The following PIP4K2C variants were observed in gnomAD, a reference collection of about 807,000 sequenced individuals.
PIP4K2C encodes phosphatidylinositol 5-phosphate 4-kinase type-2 gamma.
In PIP4K2C, 21 loss-of-function variants were observed where a neutral mutation model predicts 45.0. The observed-to-expected ratio is 0.47, with a 90% CI of 0.33 to 0.67. The LOEUF (loss-of-function observed/expected upper bound fraction) is 0.67, where lower values mean the gene tolerates loss of function less well. Ranked by LOEUF, PIP4K2C falls within the 30% of genes least tolerant of loss-of-function variation. PIP4K2C has a pLI of 0.02. For missense variants in PIP4K2C, 456 were observed against 542.8 expected (o/e 0.84, Z 1.59); for synonymous variants, 201 against 204.8 (o/e 0.98, Z 0.16).
intron 1 of PIP4K2C, among the ~76,000 whole-genome samples, chr12:57,593,005 A>T (rs1220570206): frequency 6.6e-6 from 1 of 151,312 alleles, no homozygotes; most frequent in East Asian, 1.9e-4. Flanking sequence ...GTTAGACTGC[A>T]GTTCATAGCC....
chr12:57,598,612 A>T (rs1883294313), intron 4 of PIP4K2C, among the ~76,000 whole-genome samples: 1 of 150,594 alleles, frequency 6.6e-6, no homozygotes. Context: ...TTTATATTAC[A>T]GTGACAGAAT....
At chr12:57,601,484 G>T (rs773188421) in intron 9 of PIP4K2C, 42 bp from the exon 10 acceptor site, 2 of 1,574,622 alleles carry the variant, frequency 1.3e-6, no homozygotes, top group African/African-American at 2.7e-5. Context: ...GGGGACGGGT[G>T]CTAGGGTGGC....
chr12:57,591,361 C>T lies in PIP4K2C; in HGVS notation c.72C>T (p.Phe24=). Residue 24 remains phenylalanine (F), a synonymous_variant, in exon 1 of 10, where the codon TTC becomes TTT. Transcript: ENST00000354947. Reference sequence around the variant, plus strand: ...CAGGCCCCGGCCCAGGTTTCGGCTTCGCCTCCAAGACCAAGAAGAAGCATT... The same window carrying T: ...CAGGCCCCGGCCCAGGTTTCGGCTTTGCCTCCAAGACCAAGAAGAAGCATT... ...ATAGPGPGFG[F]ASKTKKKHFV... 6.2e-7 allele frequency: 1 copy of T among 1,613,770 alleles called. No individual in the cohort carries two copies. The highest frequency in any genetic ancestry group is 1.1e-5 in the South Asian group (1 of 91,066).
chr12:57,593,694 T>G (rs112380360), intron 1 of PIP4K2C, among the ~76,000 whole-genome samples: 41 of 118,090 alleles, frequency 3.5e-4, no homozygotes, highest in Admixed American at 3.4e-4. Context: ...TTTTTTTTTT[T>G]TTTTTTTTTT....
intron 9 of PIP4K2C, 31 bp downstream of exon 9, chr12:57,601,379 G>T (rs148112878): frequency 6.3e-7 from 1 of 1,580,022 alleles, no homozygotes; most frequent in East Asian, 2.2e-5. Context: ...TTCCTTTCCT[G>T]TCTTGACTAT....
At chr12:57,598,945 G>C in intron 4 of PIP4K2C, 120 bp from the exon 5 acceptor site, 1 of 1,119,956 alleles carries the variant, frequency 8.9e-7, no homozygotes, top group Admixed American at 2.6e-5. Flanking sequence ...TTTTGACTTT[G>C]TAATCTCTCT....
chr12:57,598,977 C>G (rs1319801674), intron 4 of PIP4K2C, 88 bp from the exon 5 acceptor site: 3 of 1,421,246 alleles, frequency 2.1e-6, no homozygotes, highest in South Asian at 2.6e-5. Context: ...TCTGCTCTAC[C>G]CTGGAATGGC....
chr12:57,596,066 C>A, intron 4 of PIP4K2C, 35 bp downstream of exon 4: 1 of 1,596,828 alleles, frequency 6.3e-7, no homozygotes, highest in South Asian at 1.1e-5. Context: ...CTTTCCCTCT[C>A]CTCCCTACTC....
At chr12:57,591,819 G>A (rs2140180573) in intron 1 of PIP4K2C, among the ~76,000 whole-genome samples, 1 of 152,292 alleles carries the variant, frequency 6.6e-6, no homozygotes, top group East Asian at 1.9e-4. Context: ...TTTCTCGGGT[G>A]GTTGTTGGTG....
At chr12:57,593,133 T>C (rs1883033341) in intron 1 of PIP4K2C, among the ~76,000 whole-genome samples, 1 of 152,150 alleles carries the variant, frequency 6.6e-6, no homozygotes, top group Admixed American at 6.5e-5. Context: ...TGCAGACGAC[T>C]AGAATGAGCC....
chr12:57,601,203 A>G lies in PIP4K2C; in HGVS notation c.1082-42A>G, dbSNP rs1246790957. ...ACTGACTGCTTCCTGGAGAAAGGGA[A>G]TTGGAACTAAACCTACTCTGAATTG... On this transcript the variant is annotated intron_variant, in intron 8 of 9. Coordinates refer to ENST00000354947, the MANE Select transcript of PIP4K2C (RefSeq NM_024779.5). 3.8e-6 allele frequency: 6 copies of G among 1,594,688 alleles called. No homozygotes were observed. In the East Asian group the frequency reaches 1.3e-4, roughly 36 times the overall value.
intron 4 of PIP4K2C, among the ~76,000 whole-genome samples, chr12:57,598,643 A>G (rs1409639530): frequency 1.3e-5 from 2 of 151,944 alleles, no homozygotes; most frequent in Non-Finnish European, 2.9e-5. Context: ...AGCCCAACCC[A>G]ATGCAGACAT....
chr12:57,596,311 C>G (rs1883191748), intron 4 of PIP4K2C, among the ~76,000 whole-genome samples: 1 of 151,970 alleles, frequency 6.6e-6, no homozygotes, highest in African/African-American at 2.4e-5. Flanking sequence ...CATGGAGAAA[C>G]CCCGTCTCTA....
At chr12:57,593,988 T>C in intron 1 of PIP4K2C, 37 bp from the exon 2 acceptor site, 1 of 1,556,116 alleles carries the variant, frequency 6.4e-7, no homozygotes, top group Non-Finnish European at 8.8e-7. Context: ...TCCACACCCT[T>C]CTTCATGGCT....
intron 1 of PIP4K2C, 58 bp downstream of exon 1, chr12:57,591,521 C>A (rs1250386612): frequency 6.7e-5 from 100 of 1,488,874 alleles, no homozygotes; most frequent in Non-Finnish European, 8.8e-5. Context: ...TCCGAGGCGT[C>A]CCTGTTTCCA....
rs1883320372 is a variant in PIP4K2C at position 57,599,187 on chromosome 12, T to C, written c.636T>C (p.Pro212=). The change falls in exon 5 of 10, where the codon CCT becomes CCC. Residue 212 remains proline, a synonymous_variant. Transcript: ENST00000354947. The stretch of plus-strand genomic sequence containing the variant: ...GCAATATGTTTAGCCACCGTCTTCC[T>C]GTGCACAGGAAGTATGACCTCAAGG... The part of the protein sequence containing the change: ...VMRNMFSHRL[P]VHRKYDLKGS... 1.2e-6 allele frequency: 2 copies of C among 1,614,088 alleles called. No homozygotes were observed. The highest frequency in any genetic ancestry group is 2.7e-5 in the African/African-American group (2 of 74,932).
chr12:57,591,496 T>C (rs761999333), intron 1 of PIP4K2C, 33 bp downstream of exon 1: 1 of 1,554,834 alleles, frequency 6.4e-7, no homozygotes, highest in Non-Finnish European at 8.7e-7. Flanking sequence ...CGCAGCCCTG[T>C]CCAAACCCCT....
intron 1 of PIP4K2C, 31 bp downstream of exon 1, chr12:57,591,494 TG>T: frequency 6.4e-7 from 1 of 1,558,376 alleles, no homozygotes; most frequent in Non-Finnish European, 8.7e-7. Context: ...CCCGCAGCCC[TG>T]TCCAAACCCC....
intron 4 of PIP4K2C, among the ~76,000 whole-genome samples, chr12:57,598,580 T>A (rs888363499): frequency 6.6e-6 from 1 of 151,920 alleles, no homozygotes; most frequent in Non-Finnish European, 1.5e-5. Context: ...CTTTTTTTTT[T>A]TTTTAGGTAT....
Sources: allele counts gnomAD v4.1 joint callset (sites outside exome capture counted in the v4.1 genomes callset), GRCh38; gene constraint gnomAD v4.1.1; transcripts MANE v1.5; gene names NCBI Gene and HGNC (gene_info 2026-07-23, HGNC 2026-07-21).